The following ERN1 variants were observed in gnomAD, a reference collection of about 807,000 sequenced individuals.
The protein encoded by ERN1 is serine/threonine-protein kinase/endoribonuclease IRE1.
ERN1 carries 39 observed loss-of-function variants against 113.1 expected under a neutral mutation model. That is an observed-to-expected ratio of 0.34 (90% CI 0.27 to 0.45). ERN1 has a LOEUF of 0.45. Ranked by LOEUF, ERN1 falls within the 20% of genes least tolerant of loss-of-function variation. The pLI is 1.00. For missense variants in ERN1, 976 were observed against 1,274.8 expected, an observed-to-expected ratio of 0.77 and a Z score of 3.57; for synonymous variants, 507 against 515.9, an observed-to-expected ratio of 0.98 and a Z score of 0.23.
chr17:64,124,443 G>A (rs1915028162), intron 1 of ERN1, among the ~76,000 whole-genome samples: 1 of 152,174 alleles, frequency 6.6e-6, no homozygotes, highest in South Asian at 2.1e-4. Flanking sequence ...TGCTGTTGGA[G>A]GGACCCCGTG....
At chr17:64,078,971 A>T (rs1021418765) in intron 4 of ERN1, among the ~76,000 whole-genome samples, 11 of 152,340 alleles carry the variant, frequency 7.2e-5, no homozygotes, top group Middle Eastern at 3.4e-3. Context: ...GTGCCACTGC[A>T]TTCCAACCTG....
chr17:64,104,164 C>T (rs1009372816), intron 1 of ERN1, among the ~76,000 whole-genome samples: 1 of 152,122 alleles, frequency 6.6e-6, no homozygotes, highest in Admixed American at 6.5e-5. Flanking sequence ...ATTGCTTGAG[C>T]CTGGGAAGCA....
chr17:64,076,552 C>G lies in ERN1; in HGVS notation c.283-1305G>C, dbSNP rs62073076. Among the ~76,000 whole-genome samples, 1,056 of 152,124 alleles carry G rather than the reference C, an allele frequency of 6.9e-3. 25 individuals carry two copies. Among genetic ancestry groups the G allele is most frequent in the East Asian group, 0.052 (269 of 5,174 alleles). ...AGCTTGGGAAACATTGTTTCTGGAG[C>G]TGCTAAACCACAACCCAGAAAGGAG... On this transcript the variant is annotated intron_variant, in intron 4 of 21. Transcript: ENST00000433197.
chr17:64,058,020 A>G lies in ERN1; in HGVS notation c.1207-27T>C, dbSNP rs913368246. 4.0e-6 allele frequency: 6 copies of G among 1,490,884 alleles called. No individual in the cohort carries two copies. In the African/African-American group the frequency reaches 8.4e-5, roughly 21 times the overall value. 92.4% of individuals were successfully genotyped at this position (1,490,884 alleles called of 1,614,324 possible). On this transcript the variant is annotated intron_variant, in intron 11 of 21. Transcript: ENST00000433197. ...TTGCATGGGAGAGAGTTGCGACATC[A>G]CTGCAAAATTTCTAGCCAGATACAG... is the stretch of plus-strand genomic sequence containing the variant.
chr17:64,056,021 G>A (rs1912857078), intron 12 of ERN1, 73 bp from the exon 13 acceptor site: 2 of 1,469,284 alleles, frequency 1.4e-6, no homozygotes, highest in South Asian at 2.8e-5. Context: ...GAAGGGACAG[G>A]TCCCAGTGGC....
intron 2 of ERN1, among the ~76,000 whole-genome samples, chr17:64,089,161 T>C (rs1055470404): frequency 2.0e-5 from 3 of 151,286 alleles, no homozygotes. Context: ...CTACTAAAAA[T>C]ACAAAAAATT....
chr17:64,044,026 G>T lies in ERN1; in HGVS notation c.2896C>A (p.Pro966Thr). Residue 966 changes from proline (P) to threonine (T), a missense_variant, in exon 22 of 22, where the codon CCA (proline) becomes ACA (threonine). Pro to Thr is a conservative substitution (Grantham distance 38, BLOSUM62 -1). Coordinates refer to ENST00000433197, the MANE Select transcript of ERN1 (RefSeq NM_001433.5). The surrounding 1 kb of genome is among the most constrained non-coding windows in gnomAD (Gnocchi z 4.1). ...GGAGTCACTGGGGGCTGGGGCTCTG[G>T]GGGCTCGTGGAAGTAGTAGGGCTGG... ...LFQPYYFHEPPEPQPPVTPDA... is the reference protein window; with the variant it reads ...LFQPYYFHEPTEPQPPVTPDA... The T allele has an allele frequency of 6.2e-7, 1 of 1,613,352 alleles. No homozygotes were observed. The highest frequency in any genetic ancestry group is 8.5e-7 in the Non-Finnish European group (1 of 1,179,702).
At chr17:64,098,358 A>C in intron 1 of ERN1, 117 bp from the exon 2 acceptor site, 1 of 1,287,066 alleles carries the variant, frequency 7.8e-7, no homozygotes, top group South Asian at 1.2e-5. Flanking sequence ...TTTACAGATG[A>C]AGAAATGGAA....
At chr17:64,051,178 G>C (rs1215021038) in intron 17 of ERN1, among the ~76,000 whole-genome samples, 1 of 151,590 alleles carries the variant, frequency 6.6e-6, no homozygotes, top group Admixed American at 6.6e-5. Context: ...AAGAGAGAGA[G>C]AAGAAAGTGA....
intron 6 of ERN1, among the ~76,000 whole-genome samples, chr17:64,068,978 C>G (rs1913324975): frequency 6.6e-6 from 1 of 152,110 alleles, no homozygotes; most frequent in South Asian, 2.1e-4. Flanking sequence ...AATCATTCAG[C>G]AGAATACAGA....
intron 2 of ERN1, among the ~76,000 whole-genome samples, chr17:64,097,137 T>A (rs1344251334): frequency 6.6e-6 from 1 of 152,198 alleles, no homozygotes. Context: ...CTGAGAGAGC[T>A]GGTCTTTGGG....
chr17:64,039,355 A>C lies in ERN1; in HGVS notation c.*4633T>G, dbSNP rs1251850762. 2 of 152,250 alleles carry C rather than the reference A, an allele frequency of 1.3e-5. No individual in the cohort carries two copies. Among genetic ancestry groups the C allele is most frequent in the African/African-American group, 2.4e-5 (1 of 41,464 alleles). 9.4% of individuals were successfully genotyped at this position (152,250 alleles called of 1,614,324 possible). A position where few individuals can be genotyped will look rare whatever the true frequency, so the allele number is the denominator to read the frequency against. On this transcript the variant is annotated 3_prime_UTR_variant, in exon 22 of 22. Transcript: ENST00000433197. ...AAGAGGATTTTGGGTTCCACAAAGA[A>C]GACTGTATCACACAATTAACACGTA...
chr17:64,045,368 G>A lies in ERN1; in HGVS notation c.2644C>T (p.Leu882Phe). The change falls in exon 20 of 22, where the codon CTC becomes TTC. Residue 882 changes from leucine (L) to phenylalanine (F), a missense_variant. Leu to Phe is a conservative substitution (Grantham distance 22). Transcript: ENST00000433197. ...MDWRENITVP[L>F]QTDLRKFRTY... ...GCTGCAGCATGATCACCTGTCTGGA[G>A]GGGGACAGTGATGTTCTCCCGCCAG... 1.2e-6 allele frequency: 2 copies of A among 1,613,898 alleles called. No homozygotes were observed. Among genetic ancestry groups the A allele is most frequent in the Non-Finnish European group, 8.5e-7 (1 of 1,179,882 alleles).
At position 64,054,843 on chromosome 17, in the gene ERN1, GA is replaced by G; in HGVS notation, c.1673-16del. 1 of 1,577,490 alleles carries G rather than the reference GA, an allele frequency of 6.3e-7. No individual in the cohort carries two copies. Among genetic ancestry groups the G allele is most frequent in the Middle Eastern group, 1.7e-4 (1 of 5,820 alleles). The stretch of plus-strand genomic sequence containing the variant: ...GGTTTCCTCATCTGGGACAAAATAG[GA>G]AAAAGAGATTGTTTCAAACAGATAT... On this transcript the variant is annotated splice_polypyrimidine_tract_variant and intron_variant, in intron 13 of 21. Transcript: ENST00000433197. This position sits in a 1 kb window ranked among gnomAD's most constrained non-coding sequence, Gnocchi z 4.9.
At position 64,073,001 on chromosome 17, in the gene ERN1, G is replaced by GA. The variant is rs1913469515; in HGVS notation, c.356-899dup. On this transcript the variant is annotated intron_variant, in intron 5 of 21. Coordinates refer to ENST00000433197, the MANE Select transcript of ERN1 (RefSeq NM_001433.5). ...TGCTGGAGAAGGTCACAGAGCCTTT[G>GA]AAATTTTTTTTTTTTTTTTTTTGAG... Among the ~76,000 whole-genome samples, 3 of 124,562 alleles carry GA rather than the reference G, an allele frequency of 2.4e-5. No individual in the cohort carries two copies. The South Asian group carries it at 9.2e-4, about 38-fold the overall frequency. The allele number at this position is 124,562 out of a possible 152,430, so 81.7% of individuals were successfully genotyped here.
At chr17:64,123,015 T>C (rs1451462639) in intron 1 of ERN1, among the ~76,000 whole-genome samples, 1 of 152,202 alleles carries the variant, frequency 6.6e-6, no homozygotes, top group Non-Finnish European at 1.5e-5. Flanking sequence ...ATTTTATTTT[T>C]AATTTTTTGT....
intron 1 of ERN1, among the ~76,000 whole-genome samples, chr17:64,124,145 T>C (rs558486923): frequency 6.6e-6 from 1 of 152,334 alleles, no homozygotes; most frequent in South Asian, 2.1e-4. Flanking sequence ...CCTTCCTACA[T>C]TGCAGGTGGG....
chr17:64,107,475 C>T (rs1162890583), intron 1 of ERN1, among the ~76,000 whole-genome samples: 2 of 152,006 alleles, frequency 1.3e-5, no homozygotes, highest in East Asian at 3.9e-4. Flanking sequence ...GCATGCACCA[C>T]TATGCCTGGC....
intron 1 of ERN1, among the ~76,000 whole-genome samples, chr17:64,104,300 T>C (rs77494510): frequency 0.024 from 3,605 of 152,262 alleles, 159 homozygotes; most frequent in African/African-American, 0.082. Context: ...AGCAGCCTTA[T>C]CACTGAAGTT....
Sources: gnomAD v4.1 joint callset for allele counts (sites outside exome capture counted in the v4.1 genomes callset) on GRCh38, gnomAD v4.1.1 for gene constraint, Gnocchi (gnomAD v3.1) non-coding constraint, MANE v1.5 for transcripts, NCBI Gene and HGNC (gene_info 2026-07-23, HGNC 2026-07-21) for gene names.